The following MAF variants were observed in gnomAD, a reference collection of about 807,000 sequenced individuals.
MAF encodes transcription factor Maf.
MAF carries 10 observed loss-of-function variants against 22.0 expected under a neutral mutation model. That is an observed-to-expected ratio of 0.45 (90% CI 0.28 to 0.77). The LOEUF (loss-of-function observed/expected upper bound fraction) is 0.77. Among genes scored for constraint, MAF ranks in the 30% least tolerant of loss-of-function variants. The pLI is 0.12. For synonymous variants in MAF, 337 were observed against 255.8 expected (o/e 1.32, Z -3.03); for missense variants, 544 against 548.4 (o/e 0.99, Z 0.08).
At chr16:79,590,263 G>A (rs1048971812), downstream of MAF, among the ~76,000 whole-genome samples, 1 of 152,100 alleles carries the variant, frequency 6.6e-6, no homozygotes, top group Non-Finnish European at 1.5e-5. Flanking sequence ...AATGGGAGAG[G>A]GGACAAACTC....
chr16:79,552,158 T>C, the MAF span, among the ~76,000 whole-genome samples: 2 of 152,022 alleles, frequency 1.3e-5, no homozygotes, highest in African/African-American at 2.4e-5. Context: ...ATGCTGGCTC[T>C]TCCTGGGAAG....
the MAF span, among the ~76,000 whole-genome samples, chr16:79,209,507 G>A: frequency 6.6e-6 from 1 of 152,296 alleles, no homozygotes; most frequent in East Asian, 1.9e-4. Flanking sequence ...AACCATTGTG[G>A]CATAGAGGGC....
chr16:79,473,606 C>T, the MAF span, among the ~76,000 whole-genome samples: 1 of 152,180 alleles, frequency 6.6e-6, no homozygotes, highest in African/African-American at 2.4e-5. Flanking sequence ...CAGACCTCAG[C>T]CTCTCTCCTG....
chr16:79,279,924 A>G, the MAF span, among the ~76,000 whole-genome samples: 1 of 152,200 alleles, frequency 6.6e-6, no homozygotes, highest in Non-Finnish European at 1.5e-5. Context: ...GGAAAATGTT[A>G]TAAATACGGG....
the MAF span, among the ~76,000 whole-genome samples, chr16:79,483,554 G>A: frequency 6.6e-6 from 1 of 151,906 alleles, no homozygotes; most frequent in Non-Finnish European, 1.5e-5. Context: ...AGAATAGAAT[G>A]GGCAAGATTG....
At chr16:79,571,252 G>T in the MAF span, among the ~76,000 whole-genome samples, 2 of 152,120 alleles carry the variant, frequency 1.3e-5, no homozygotes, top group Non-Finnish European at 2.9e-5. Flanking sequence ...GAGGGAGGAA[G>T]GTCTAAGAAC....
the MAF span, among the ~76,000 whole-genome samples, chr16:79,475,676 C>G: frequency 4.6e-5 from 7 of 152,026 alleles, no homozygotes; most frequent in African/African-American, 1.7e-4. Context: ...AATTGGGCAG[C>G]TAAGATTTGT....
the MAF span, among the ~76,000 whole-genome samples, chr16:79,252,915 T>C: frequency 6.6e-6 from 1 of 152,214 alleles, no homozygotes; most frequent in African/African-American, 2.4e-5. Flanking sequence ...GCAGCAGGGA[T>C]AGATGGGAAC....
chr16:79,290,007 C>T, the MAF span, among the ~76,000 whole-genome samples: 7 of 152,118 alleles, frequency 4.6e-5, no homozygotes, highest in South Asian at 1.5e-3. Context: ...CAGGCGCCTG[C>T]CACCACGCCC....
chr16:79,252,807 C>A, the MAF span, among the ~76,000 whole-genome samples: 1 of 151,972 alleles, frequency 6.6e-6, no homozygotes, highest in Non-Finnish European at 1.5e-5. Context: ...TGATTTTTGC[C>A]CCTGTGAGTT....
the MAF span, among the ~76,000 whole-genome samples, chr16:79,450,414 T>C: frequency 2.5e-4 from 38 of 152,350 alleles, no homozygotes; most frequent in African/African-American, 9.1e-4. Context: ...ATTCCAAGTG[T>C]TAGACAAATT....
At chr16:79,557,319 G>C in the MAF span, among the ~76,000 whole-genome samples, 10 of 151,990 alleles carry the variant, frequency 6.6e-5, no homozygotes, top group Non-Finnish European at 1.3e-4. Context: ...AGCAGTTTGA[G>C]GGTGGAAGAG....
At chr16:79,271,665 C>A in the MAF span, among the ~76,000 whole-genome samples, 21 of 152,322 alleles carry the variant, frequency 1.4e-4, no homozygotes, top group African/African-American at 4.3e-4. Context: ...GAAGAACTAT[C>A]AATATCCATC....
At chr16:79,419,195 A>T in the MAF span, among the ~76,000 whole-genome samples, 1 of 152,146 alleles carries the variant, frequency 6.6e-6, no homozygotes, top group African/African-American at 2.4e-5. Context: ...CAGAAGTTTA[A>T]TATCAGCATG....
chr16:79,594,229 T>G lies in MAF; in HGVS notation c.*231A>C, dbSNP rs1460792959. On this transcript the variant is annotated 3_prime_UTR_variant, in exon 2 of 2. Coordinates refer to ENST00000326043, the MANE Select transcript of MAF (RefSeq NM_005360.5). Reference sequence around the variant, plus strand: ...GCAGGTTGAAAGCAATGCACCTGTTTACTTGCACACACCATAAATCGAAAA... The same window carrying G: ...GCAGGTTGAAAGCAATGCACCTGTTGACTTGCACACACCATAAATCGAAAA... 1.9e-6 allele frequency: 1 copy of G among 527,292 alleles called. No homozygotes were observed. Among genetic ancestry groups the G allele is most frequent in the African/African-American group, 1.9e-5 (1 of 52,774 alleles). 32.7% of individuals were successfully genotyped at this position (527,292 alleles called of 1,614,324 possible).
the MAF span, among the ~76,000 whole-genome samples, chr16:79,465,486 G>A: frequency 1.4e-4 from 21 of 152,078 alleles, no homozygotes; most frequent in African/African-American, 2.7e-4. Context: ...CCGGCTACTC[G>A]GGAGGCTGAG....
chr16:79,302,782 A>T, the MAF span, among the ~76,000 whole-genome samples: 4 of 152,272 alleles, frequency 2.6e-5, no homozygotes, highest in Non-Finnish European at 5.9e-5. Flanking sequence ...CCTTGGCGAC[A>T]GTCATCCACC....
chr16:79,319,291 G>T, the MAF span, among the ~76,000 whole-genome samples: 2 of 152,156 alleles, frequency 1.3e-5, no homozygotes, highest in African/African-American at 4.8e-5. Flanking sequence ...ACTTTAAGCG[G>T]GGGAGAGGAC....
At chr16:79,453,077 G>C in the MAF span, among the ~76,000 whole-genome samples, 3 of 152,138 alleles carry the variant, frequency 2.0e-5, no homozygotes, top group East Asian at 5.8e-4. Flanking sequence ...CCCTTCTCTA[G>C]GTAATGTCAT....
Sources: allele counts gnomAD v4.1 joint callset (sites outside exome capture counted in the v4.1 genomes callset), GRCh38; gene constraint gnomAD v4.1.1; transcripts MANE v1.5; gene names NCBI Gene and HGNC (gene_info 2026-07-23, HGNC 2026-07-21).